Variants in DGKH observed in about 807,000 individuals in gnomAD.
The protein encoded by DGKH is diacylglycerol kinase eta.
Under a neutral mutation model 159.3 loss-of-function variants are expected in DGKH, and 90 were observed. That is an observed-to-expected ratio of 0.57 (90% CI 0.48 to 0.67). The LOEUF (loss-of-function observed/expected upper bound fraction) is 0.67, where lower values mean the gene tolerates loss of function less well. DGKH is among the 30% of genes least tolerant of loss of function. The pLI, the probability that DGKH is intolerant of heterozygous loss-of-function variation, is 0.00. For missense variants in DGKH, 1,181 were observed against 1,506.1 expected (o/e 0.78, Z 3.57); for synonymous variants, 536 against 553.8 (o/e 0.97, Z 0.45).
chr13:42,138,176 C>G (rs1490864685), intron 3 of DGKH: 1 of 909,238 alleles, frequency 1.1e-6, no homozygotes, highest in African/African-American at 1.8e-5. Context: ...CAGGGCACAG[C>G]TAATATGGAA....
chr13:42,049,101 AAGG>A (rs1881036435), intron 1 of DGKH, 136 bp downstream of exon 1: 2 of 727,256 alleles, frequency 2.8e-6, no homozygotes, highest in Non-Finnish European at 3.3e-6. Context: ...GAAGGCGGGG[AAGG>A]CGGGGAAGGC....
intron 3 of DGKH, among the ~76,000 whole-genome samples, chr13:42,143,570 T>C (rs1955632442): frequency 6.6e-6 from 1 of 152,228 alleles, no homozygotes; most frequent in African/African-American, 2.4e-5. Context: ...ATTGCCTCAA[T>C]TTCAGAGCCT....
rs1955754424 is a variant in DGKH, at chr13:42,147,106, C to CCGAAG, written c.385-8184_385-8180dup. Among the ~76,000 whole-genome samples the CCGAAG allele has an allele frequency of 2.0e-5, 3 of 151,918 alleles. No individual in the cohort carries two copies. The South Asian group carries it at 6.2e-4, about 32-fold the overall frequency. ...GCACAAGGACTGGAGAGCTGTGTGGCCGAAGGGAGGGGAGAAGGAGAGGAG... is the reference window on the plus strand; with the variant it reads ...GCACAAGGACTGGAGAGCTGTGTGGCCGAAGCGAAGGGAGGGGAGAAGGAGAGGAG... On this transcript the variant is annotated intron_variant, in intron 3 of 29. Transcript: ENST00000337343.
intron 16 of DGKH, among the ~76,000 whole-genome samples, chr13:42,193,343 C>A (rs12870877): frequency 0.12 from 18,152 of 152,148 alleles, 1,538 homozygotes; most frequent in East Asian, 0.4. Context: ...AAATATAGTG[C>A]TGTAAATGTT....
intron 14 of DGKH, 141 bp from the exon 15 acceptor site, chr13:42,188,895 A>T: frequency 1.1e-6 from 1 of 931,978 alleles, no homozygotes. Context: ...CAAAACATCT[A>T]CAAAATTAAA....
chr13:42,127,796 T>C (rs1183231041), intron 2 of DGKH, among the ~76,000 whole-genome samples: 1 of 152,178 alleles, frequency 6.6e-6, no homozygotes, highest in Non-Finnish European at 1.5e-5. Context: ...TCTAGTGTAG[T>C]TTCATTTCGT....
At chr13:42,153,402 C>T (rs1015387393) in intron 3 of DGKH, among the ~76,000 whole-genome samples, 3 of 152,178 alleles carry the variant, frequency 2.0e-5, no homozygotes, top group Non-Finnish European at 4.4e-5. Flanking sequence ...AGTTAAAGAA[C>T]AAAATAGCAA....
At chr13:42,197,760 G>T (rs1471685938) in intron 17 of DGKH, among the ~76,000 whole-genome samples, 1 of 152,058 alleles carries the variant, frequency 6.6e-6, no homozygotes, top group African/African-American at 2.4e-5. Flanking sequence ...ATTTCCTCGT[G>T]TTTCCCTTGT....
At chr13:42,152,837 G>A (rs761668217) in intron 3 of DGKH, among the ~76,000 whole-genome samples, 1 of 141,046 alleles carries the variant, frequency 7.1e-6, no homozygotes. Context: ...GGCTTGTTTC[G>A]CTGGGCCGAG....
At chr13:42,225,167 C>A in intron 29 of DGKH, 1 of 893,652 alleles carries the variant, frequency 1.1e-6, no homozygotes, top group Non-Finnish European at 1.7e-6. Flanking sequence ...AAGAGATCGG[C>A]CTGCCTTGGC....
intron 3 of DGKH, among the ~76,000 whole-genome samples, chr13:42,154,851 C>T (rs928474212): frequency 4.0e-5 from 6 of 150,012 alleles, no homozygotes; most frequent in Non-Finnish European, 7.4e-5. Flanking sequence ...CCATCCTGGC[C>T]AACATGGTGA....
rs543937772 is a variant in DGKH, at chr13:42,134,466, A to G, written c.384+4834A>G. ...TTCTATTAGTTTTCTATTGCTGTATAACAACCAACCACAAACTTAGTGGCT... is the reference window on the plus strand; with the variant it reads ...TTCTATTAGTTTTCTATTGCTGTATGACAACCAACCACAAACTTAGTGGCT... On this transcript the variant is annotated intron_variant, in intron 3 of 29. Coordinates refer to ENST00000337343, the MANE Select transcript of DGKH (RefSeq NM_178009.5). 2.9e-4 allele frequency among the ~76,000 whole-genome samples: 44 copies of G among 152,328 alleles called. 1 individual carries two copies. The highest frequency in any genetic ancestry group is 8.9e-4 in the African/African-American group (37 of 41,564).
At chr13:42,080,465 C>T (rs1048878224) in intron 1 of DGKH, among the ~76,000 whole-genome samples, 37 of 152,204 alleles carry the variant, frequency 2.4e-4, no homozygotes, top group African/African-American at 7.2e-4. Context: ...AGGCCGTATT[C>T]TAGTGAAATT....
At chr13:42,139,012 ATATCT>A (rs904261018) in intron 3 of DGKH, among the ~76,000 whole-genome samples, 4 of 152,270 alleles carry the variant, frequency 2.6e-5, no homozygotes, top group East Asian at 1.9e-4. Context: ...TAGAAATGAA[ATATCT>A]TATCTTTGTT....
At chr13:42,134,419 G>T (rs1955358035) in intron 3 of DGKH, among the ~76,000 whole-genome samples, 1 of 152,120 alleles carries the variant, frequency 6.6e-6, no homozygotes, top group African/African-American at 2.4e-5. Context: ...TGTTTTTTCA[G>T]TTATCTAAAT....
intron 1 of DGKH, among the ~76,000 whole-genome samples, chr13:42,072,324 C>A (rs1484469215): frequency 6.6e-6 from 1 of 152,152 alleles, no homozygotes; most frequent in African/African-American, 2.4e-5. Flanking sequence ...ATCTCTGTAA[C>A]CCAGCCTTAT....
At chr13:42,074,608 G>A (rs1333661279) in intron 1 of DGKH, among the ~76,000 whole-genome samples, 1 of 151,978 alleles carries the variant, frequency 6.6e-6, no homozygotes, top group Admixed American at 6.6e-5. Context: ...TAACCCAAAT[G>A]ATGTATCAAA....
chr13:42,199,014 A>T (rs1055389447), intron 18 of DGKH, among the ~76,000 whole-genome samples: 5 of 152,172 alleles, frequency 3.3e-5, no homozygotes, highest in African/African-American at 1.2e-4. Context: ...TTGGCATTTC[A>T]AGATATACTT....
chr13:42,110,768 G>T (rs886132398), intron 1 of DGKH, among the ~76,000 whole-genome samples: 4 of 152,304 alleles, frequency 2.6e-5, no homozygotes, highest in South Asian at 2.1e-4. Flanking sequence ...TTGTGGTAAT[G>T]CATGGTAGTT....
Sources: allele counts gnomAD v4.1 joint callset (sites outside exome capture counted in the v4.1 genomes callset), GRCh38; gene constraint gnomAD v4.1.1; transcripts MANE v1.5; gene names NCBI Gene and HGNC (gene_info 2026-07-23, HGNC 2026-07-21).